The following PLCH2 variants were observed in gnomAD, a reference collection of about 807,000 sequenced individuals.
PLCH2 encodes phospholipase C eta 2.
In PLCH2, 98 loss-of-function variants were observed where a neutral mutation model predicts 134.7. The observed-to-expected ratio is 0.73, with a 90% CI of 0.62 to 0.86. The LOEUF (loss-of-function observed/expected upper bound fraction) is 0.86. Among genes scored for constraint, PLCH2 ranks in the 40% least tolerant of loss-of-function variants. PLCH2 has a pLI of 0.00. For synonymous variants in PLCH2, 974 were observed against 827.5 expected, an observed-to-expected ratio of 1.18 and a Z score of -3.04; for missense variants, 1,994 against 1,986.6, an observed-to-expected ratio of 1.00 and a Z score of -0.07.
chr1:2,426,453 C>T (rs1304918200), intron 1 of PLCH2, among the ~76,000 whole-genome samples: 3 of 152,188 alleles, frequency 2.0e-5, no homozygotes, highest in Non-Finnish European at 4.4e-5. Flanking sequence ...TCGGGGCTGC[C>T]GTGAGCAGCC....
chr1:2,467,372 C>A (rs1194228702), upstream of PLCH2: 6 of 380,612 alleles, frequency 1.6e-5, no homozygotes, highest in Non-Finnish European at 2.8e-5. Context: ...GCTGGGCAGC[C>A]AAGGGTTAAG....
At chr1:2,429,080 G>A (rs1638943728) in intron 1 of PLCH2, among the ~76,000 whole-genome samples, 1 of 152,208 alleles carries the variant, frequency 6.6e-6, no homozygotes, top group Non-Finnish European at 1.5e-5. Context: ...CAGGGCCTGG[G>A]GTGTGCAGGG....
intron 2 of PLCH2, among the ~76,000 whole-genome samples, chr1:2,440,507 T>G (rs1441295984): frequency 2.0e-5 from 3 of 148,470 alleles, no homozygotes; most frequent in African/African-American, 7.6e-5. Context: ...CCCGGGGATC[T>G]TGCATTGCTG....
chr1:2,442,104 G>A (rs137868845), intron 2 of PLCH2, among the ~76,000 whole-genome samples: 4 of 152,266 alleles, frequency 2.6e-5, no homozygotes, highest in Admixed American at 2.0e-4. Flanking sequence ...TCTCCGCGGT[G>A]AGCTTTGCAC....
intron 11 of PLCH2, among the ~76,000 whole-genome samples, chr1:2,494,021 G>A (rs551062593): frequency 5.3e-5 from 8 of 152,296 alleles, no homozygotes; most frequent in Middle Eastern, 3.4e-3. Context: ...CGCTTCTGGC[G>A]GAAGCCCCCT....
intron 1 of PLCH2, among the ~76,000 whole-genome samples, chr1:2,427,086 G>A (rs1453332500): frequency 6.6e-6 from 1 of 152,246 alleles, no homozygotes; most frequent in Non-Finnish European, 1.5e-5. Context: ...TTGGCCGGGG[G>A]TCTCCATACC....
chr1:2,504,532 C>T lies in PLCH2; in HGVS notation c.3570C>T (p.Ala1190=), dbSNP rs1171088285. ...LPPRPHSASA[A]RPDLPPVTKS... ...CCAGGCCCCACTCGGCTTCGGCTGC[C>T]CGCCCAGACCTGCCACCTGTGACCA... Residue 1190 remains alanine (A), a synonymous_variant, in exon 22 of 22, where the codon GCC becomes GCT. Coordinates refer to ENST00000378486, the MANE Select transcript of PLCH2 (RefSeq NM_014638.4). 7 of 1,612,574 alleles carry T rather than the reference C, an allele frequency of 4.3e-6. No homozygotes were observed. The highest frequency in any genetic ancestry group is 1.6e-4 in the Middle Eastern group (1 of 6,062).
In PLCH2 at chr1:2,436,544, C is replaced by CACCTT. The variant is rs1167592652; in HGVS notation, c.115+5915_115+5916insACCTT. Among the ~76,000 whole-genome samples, 114 of 87,536 alleles carry CACCTT rather than the reference C, an allele frequency of 1.3e-3. 18 individuals are homozygous for CACCTT. Among genetic ancestry groups the CACCTT allele is most frequent in the Admixed American group, 5.0e-3 (41 of 8,146 alleles). 57.4% of individuals were successfully genotyped at this position (87,536 alleles called of 152,430 possible). On this transcript the variant is annotated intron_variant, in intron 2 of 3. Coordinates refer to the PLCH2 transcript ENST00000609981. ...CTCCTCCTTTCCTCCTTCCTCCCTC[C>CACCTT]TCCCTTCCTCCCTCCACCTTTCCTC...
At chr1:2,427,196 C>T (rs998227436) in intron 1 of PLCH2, among the ~76,000 whole-genome samples, 3 of 152,298 alleles carry the variant, frequency 2.0e-5, no homozygotes, top group Admixed American at 1.3e-4. Flanking sequence ...AGGGGCCCAC[C>T]GGGTGGAGCT....
At chr1:2,431,872 CCTT>C (rs1557937530) in intron 2 of PLCH2, among the ~76,000 whole-genome samples, 1 of 152,130 alleles carries the variant, frequency 6.6e-6, no homozygotes, top group Non-Finnish European at 1.5e-5. Context: ...CTGGGAGGCT[CCTT>C]CTTGGTTGAG....
upstream of PLCH2, among the ~76,000 whole-genome samples, chr1:2,425,135 C>T (rs1371267908): frequency 1.3e-5 from 2 of 150,088 alleles, no homozygotes; most frequent in Non-Finnish European, 3.0e-5. Flanking sequence ...CGCACTCCAG[C>T]CTAGGCGATA....
upstream of PLCH2, chr1:2,467,338 T>A (rs1191356416): frequency 1.1e-5 from 4 of 358,732 alleles, no homozygotes; most frequent in Non-Finnish European, 2.0e-5. Context: ...CCCTTCCCAC[T>A]CCAGCAGAGG....
At chr1:2,480,854 C>T (rs12731186) in intron 4 of PLCH2, among the ~76,000 whole-genome samples, 16,259 of 152,258 alleles carry the variant, frequency 0.11, 954 homozygotes, top group East Asian at 0.14. Context: ...CCTGCTGGGC[C>T]GGGGGAGAGA....
chr1:2,478,390 A>G, intron 1 of PLCH2, 86 bp from the exon 2 acceptor site: 2 of 1,509,124 alleles, frequency 1.3e-6, no homozygotes, highest in South Asian at 2.3e-5. Context: ...TCCCGTGAGG[A>G]GTGGCCGTGC....
intron 1 of PLCH2, chr1:2,467,715 G>A: frequency 2.5e-6 from 1 of 402,630 alleles, no homozygotes; most frequent in South Asian, 1.1e-4. Flanking sequence ...CCCGTAGGGA[G>A]CCCAGGACCG....
chr1:2,479,884 A>G lies in PLCH2; in HGVS notation c.422A>G (p.Glu141Gly), dbSNP rs769377431. 6.2e-7 allele frequency: 1 copy of G among 1,611,802 alleles called. No homozygotes were observed. Among genetic ancestry groups the G allele is most frequent in the East Asian group, 2.2e-5 (1 of 44,876 alleles). Reference protein sequence around the residue: ...ESLDLVSTSSEVARTWVTGLR... With the variant: ...ESLDLVSTSSGVARTWVTGLR... ...CTGGACCTGGTCTCCACCAGCAGCG[A>G]GGTGGCGCGCACCTGGGTCACTGGC... is the stretch of plus-strand genomic sequence containing the variant. Residue 141 changes from glutamate to glycine, a missense_variant, in exon 3 of 22, where the codon GAG (glutamate) becomes GGG (glycine). Physicochemically the swap from Glu to Gly is moderately conservative, Grantham distance 98. Coordinates refer to ENST00000378486, the MANE Select transcript of PLCH2 (RefSeq NM_014638.4).
intron 2 of PLCH2, among the ~76,000 whole-genome samples, chr1:2,456,276 C>T (rs12037821): frequency 0.12 from 18,389 of 152,198 alleles, 1,480 homozygotes; most frequent in East Asian, 0.25. Context: ...CGAGCGCAGC[C>T]CCCCCAGTTC....
intron 13 of PLCH2, among the ~76,000 whole-genome samples, chr1:2,495,998 T>C (rs1642863139): frequency 6.6e-6 from 1 of 152,088 alleles, no homozygotes; most frequent in African/African-American, 2.4e-5. Context: ...CTGGGGTCTC[T>C]TTGAGGTCTC....
intron 20 of PLCH2, chr1:2,499,985 C>T (rs1366720574): frequency 3.5e-6 from 2 of 570,980 alleles, no homozygotes; most frequent in Non-Finnish European, 6.3e-6. Context: ...CCTTGCCCCG[C>T]CCTGTGTCAC....
Sources: gnomAD v4.1 joint callset for allele counts (sites outside exome capture counted in the v4.1 genomes callset) on GRCh38, gnomAD v4.1.1 for gene constraint, MANE v1.5 for transcripts, NCBI Gene and HGNC (gene_info 2026-07-23, HGNC 2026-07-21) for gene names.